CDC73: variants seen among roughly 807,000 people sequenced by gnomAD.
CDC73 encodes the protein parafibromin.
A neutral mutation model predicts 83.7 loss-of-function variants in CDC73; 21 were observed. That is an observed-to-expected ratio of 0.25 (90% CI 0.18 to 0.36). The LOEUF is 0.36. CDC73 is among the 10% of genes least tolerant of loss of function. CDC73 has a pLI of 1.00. For missense variants in CDC73, 342 were observed against 653.3 expected (o/e 0.52, Z 5.19); for synonymous variants, 224 against 212.9 (o/e 1.05, Z -0.45).
intron 13 of CDC73, among the ~76,000 whole-genome samples, chr1:193,224,693 T>C (rs1261404360): frequency 6.6e-6 from 1 of 152,178 alleles, no homozygotes; most frequent in African/African-American, 2.4e-5. Flanking sequence ...TATGTACATA[T>C]ATGAGTACAA....
rs539729468 is a variant in CDC73, at chr1:193,251,341, T to C, written c.*629T>C. 3 of 232,066 alleles carry C rather than the reference T, an allele frequency of 1.3e-5. No individual in the cohort carries two copies. The Admixed American group carries it at 1.7e-4, about 13-fold the overall frequency. 14.4% of individuals were successfully genotyped at this position (232,066 alleles called of 1,614,324 possible). A position where few individuals can be genotyped will look rare whatever the true frequency, so the allele number is the denominator to read the frequency against. On this transcript the variant is annotated 3_prime_UTR_variant, in exon 17 of 17. Coordinates refer to ENST00000367435, the MANE Select transcript of CDC73 (RefSeq NM_024529.5). The stretch of plus-strand genomic sequence containing the variant: ...GAATGTACATTCTTCTCACTGACTT[T>C]GGTGATTTTGAAACCTAGAATGATG...
chr1:193,230,964 G>A (rs1677653919), intron 13 of CDC73, among the ~76,000 whole-genome samples: 1 of 152,132 alleles, frequency 6.6e-6, no homozygotes, highest in African/African-American at 2.4e-5. Flanking sequence ...AAATTAACAT[G>A]CTACAGCATC....
Position 193,249,615 on chromosome 1 carries a change from A to T in CDC73, c.1418-115A>T, listed in dbSNP as rs967176745. On this transcript the variant is annotated intron_variant, in intron 15 of 16. Coordinates refer to ENST00000367435, the MANE Select transcript of CDC73 (RefSeq NM_024529.5). ...TAAACCCTGAATGTTTTTAAAGATA[A>T]TATTTTAAAAGATCACTTTAGTTAT... is the stretch of plus-strand genomic sequence containing the variant. The T allele has an allele frequency of 1.4e-5, 11 of 784,512 alleles. No individual in the cohort carries two copies. The African/African-American group carries it at 1.9e-4, about 14-fold the overall frequency. The allele number at this position is 784,512 out of a possible 1,614,324, so 48.6% of individuals were successfully genotyped here.
chr1:193,198,752 G>A (rs1677042413), intron 10 of CDC73, among the ~76,000 whole-genome samples: 1 of 152,208 alleles, frequency 6.6e-6, no homozygotes, highest in South Asian at 2.1e-4. Context: ...GAGGTTACAA[G>A]GTATTAGTAG....
chr1:193,214,471 A>C (rs1677329355), intron 13 of CDC73, among the ~76,000 whole-genome samples: 1 of 152,198 alleles, frequency 6.6e-6, no homozygotes, highest in African/African-American at 2.4e-5. Context: ...TGATCACAGC[A>C]CTTTGGGAGG....
intron 5 of CDC73, among the ~76,000 whole-genome samples, chr1:193,135,989 C>T (rs1207064303): frequency 6.6e-6 from 1 of 151,800 alleles, no homozygotes; most frequent in Non-Finnish European, 1.5e-5. Context: ...CCACCTCAGC[C>T]TCCCGAGTAG....
intron 10 of CDC73, chr1:193,181,415 G>T (rs946591897): frequency 1.2e-6 from 2 of 1,613,922 alleles, no homozygotes; most frequent in African/African-American, 2.7e-5. Flanking sequence ...GCTCTGCCTG[G>T]CAGCCAGTCA....
chr1:193,132,439 C>T (rs186763413), intron 3 of CDC73, among the ~76,000 whole-genome samples: 1 of 152,222 alleles, frequency 6.6e-6, no homozygotes, highest in African/African-American at 2.4e-5. Context: ...GAGGGAGTCT[C>T]AATTCTGTGA....
intron 14 of CDC73, among the ~76,000 whole-genome samples, chr1:193,233,951 C>T (rs1410642516): frequency 6.6e-6 from 1 of 151,748 alleles, no homozygotes; most frequent in Non-Finnish European, 1.5e-5. Flanking sequence ...GAACGCAACA[C>T]ATGGCACATT....
chr1:193,203,653 C>T (rs1424985754), intron 10 of CDC73, 142 bp from the exon 11 acceptor site: 6 of 695,252 alleles, frequency 8.6e-6, no homozygotes, highest in East Asian at 2.7e-5. Context: ...AACTGTAGGT[C>T]ATAACATGTT....
At chr1:193,179,738 T>C (rs1162254203) in intron 10 of CDC73, 4 of 152,690 alleles carry the variant, frequency 2.6e-5, no homozygotes, top group South Asian at 4.1e-4. Context: ...GTAAATACTT[T>C]CGTGAGAACT....
intron 10 of CDC73, among the ~76,000 whole-genome samples, chr1:193,183,797 A>T (rs1676760057): frequency 6.6e-6 from 1 of 151,900 alleles, no homozygotes; most frequent in Non-Finnish European, 1.5e-5. Context: ...AAGATAAGTT[A>T]TCTGTTTTCT....
chr1:193,234,175 TCACACACACACACACACACACACA>T (rs71111461), intron 14 of CDC73, among the ~76,000 whole-genome samples: 5 of 101,414 alleles, frequency 4.9e-5, no homozygotes, highest in Admixed American at 2.6e-4. Flanking sequence ...TCTCTCTCTC[TCACACACACACACACACACACACA>T]CACACACACA....
chr1:193,221,385 TTTTTTTG>T (rs1677466977), intron 13 of CDC73, among the ~76,000 whole-genome samples: 2 of 152,100 alleles, frequency 1.3e-5, no homozygotes, highest in African/African-American at 4.8e-5. Flanking sequence ...TATTGTGTTG[TTTTTTTG>T]TTTTTTGTTT....
At chr1:193,141,360 A>G (rs529364108) in intron 6 of CDC73, among the ~76,000 whole-genome samples, 36 of 152,224 alleles carry the variant, frequency 2.4e-4, no homozygotes, top group Non-Finnish European at 5.0e-4. Context: ...TTAAAGGAGT[A>G]TGTTTTTGTG....
chr1:193,132,528 G>A (rs1327635125), intron 3 of CDC73, among the ~76,000 whole-genome samples: 2 of 151,806 alleles, frequency 1.3e-5, no homozygotes, highest in Admixed American at 6.6e-5. Context: ...GTTCAGGCTG[G>A]TCTTGAACTC....
intron 15 of CDC73, 87 bp downstream of exon 15, chr1:193,236,443 G>A (rs1274554613): frequency 1.2e-6 from 1 of 856,898 alleles, no homozygotes; most frequent in Non-Finnish European, 2.0e-6. Flanking sequence ...CTGCGCATAT[G>A]ATGTGTATGT....
intron 13 of CDC73, among the ~76,000 whole-genome samples, chr1:193,229,258 T>C (rs184785854): frequency 5.9e-5 from 9 of 152,366 alleles, no homozygotes; most frequent in Admixed American, 1.3e-4. Flanking sequence ...AAAACACTTA[T>C]ACAGGAATTA....
intron 10 of CDC73, among the ~76,000 whole-genome samples, chr1:193,173,953 G>C (rs1332386526): frequency 6.6e-6 from 1 of 151,820 alleles, no homozygotes; most frequent in Non-Finnish European, 1.5e-5. Context: ...GATTTTTGTT[G>C]GTGACAAAGT....
Sources: allele counts gnomAD v4.1 joint callset (sites outside exome capture counted in the v4.1 genomes callset), GRCh38; gene constraint gnomAD v4.1.1; transcripts MANE v1.5; gene names NCBI Gene and HGNC (gene_info 2026-07-23, HGNC 2026-07-21).